The following DYNC2H1 variants were observed in gnomAD, a reference collection of about 807,000 sequenced individuals.
DYNC2H1 encodes dynein cytoplasmic 2 heavy chain 1, also known as cytoplasmic dynein 2 heavy chain 1.
DYNC2H1 carries 410 observed loss-of-function variants against 570.0 expected under a neutral mutation model. The observed-to-expected ratio is 0.72, with a 90% CI of 0.66 to 0.78. DYNC2H1 has a LOEUF of 0.78. DYNC2H1 is among the 30% of genes least tolerant of loss of function. DYNC2H1 has a pLI of 0.00. For missense variants in DYNC2H1, 4,865 were observed against 5,046.4 expected (o/e 0.96, Z 1.09); for synonymous variants, 1,688 against 1,677.6 (o/e 1.01, Z -0.15).
At position 103,239,015 on chromosome 11, in the gene DYNC2H1, C is replaced by T. The variant is rs1476899676; in HGVS notation, c.9819+2476C>T. 6.6e-6 allele frequency among the ~76,000 whole-genome samples: 1 copy of T among 152,100 alleles called. No individual in the cohort carries two copies. Among genetic ancestry groups the T allele is most frequent in the South Asian group, 2.1e-4 (1 of 4,832 alleles). On this transcript the variant is annotated intron_variant, in intron 63 of 88. Coordinates refer to ENST00000375735, the MANE Select transcript of DYNC2H1 (RefSeq NM_001377.3). The surrounding 1 kb of genome is among the most constrained non-coding windows in gnomAD (Gnocchi z 4.3). ...AATTATATGATCTAATATTGGTCAA[C>T]TCAGTGGATAATGGAAAGTATAATA...
chr11:103,186,534 G>T lies in DYNC2H1; in HGVS notation c.6893+33G>T. Reference sequence around the variant, plus strand: ...AAATATTGGCAAAGGTATATGTTGTGGATTTATTCCTGCCGCCCCTAATTG... The same window carrying T: ...AAATATTGGCAAAGGTATATGTTGTTGATTTATTCCTGCCGCCCCTAATTG... On this transcript the variant is annotated intron_variant, in intron 42 of 88. Coordinates refer to ENST00000375735, the MANE Select transcript of DYNC2H1 (RefSeq NM_001377.3). The surrounding 1 kb of genome is among the most constrained non-coding windows in gnomAD (Gnocchi z 4.5). 6.3e-7 allele frequency: 1 copy of T among 1,587,220 alleles called. No homozygotes were observed. The highest frequency in any genetic ancestry group is 1.1e-5 in the South Asian group (1 of 89,292).
intron 3 of DYNC2H1, 86 bp from the exon 4 acceptor site, chr11:103,115,091 C>T: frequency 1.1e-6 from 1 of 915,274 alleles, no homozygotes; most frequent in Non-Finnish European, 1.7e-6. Context: ...TTAGATGACT[C>T]AAATATTTTG....
intron 65 of DYNC2H1, among the ~76,000 whole-genome samples, chr11:103,251,258 A>G (rs1264936248): frequency 6.6e-6 from 1 of 152,114 alleles, no homozygotes; most frequent in Non-Finnish European, 1.5e-5. Context: ...TGTCTTATTT[A>G]TCATTATGAA....
rs1860904755 is a variant in DYNC2H1, at chr11:103,157,847, G to A, written c.4128-830G>A. ...TTGTTCATTTCTCTATCCTTTTCTT[G>A]TGCTGCTCTCCATTTTGCTTTAGTG... On this transcript the variant is annotated intron_variant, in intron 26 of 88. Coordinates refer to ENST00000375735, the MANE Select transcript of DYNC2H1 (RefSeq NM_001377.3). The surrounding 1 kb of genome is among the most constrained non-coding windows in gnomAD (Gnocchi z 4.2). Among the ~76,000 whole-genome samples the A allele has an allele frequency of 6.6e-6, 1 of 151,908 alleles. No individual in the cohort carries two copies. The highest frequency in any genetic ancestry group is 1.5e-5 in the Non-Finnish European group (1 of 67,976).
Position 103,204,734 on chromosome 11 carries a change from A to T in DYNC2H1, c.8312-88A>T. 1 of 938,150 alleles carries T rather than the reference A, an allele frequency of 1.1e-6. No individual in the cohort carries two copies. Among genetic ancestry groups the T allele is most frequent in the Non-Finnish European group, 1.6e-6 (1 of 643,314 alleles). The allele number at this position is 938,150 out of a possible 1,614,324, so 58.1% of individuals were successfully genotyped here. On this transcript the variant is annotated intron_variant, in intron 51 of 88. Coordinates refer to ENST00000375735, the MANE Select transcript of DYNC2H1 (RefSeq NM_001377.3). The surrounding 1 kb of genome is among the most constrained non-coding windows in gnomAD (Gnocchi z 4.1). ...GTGCTCGTTTTAAGAAACAACTCCT[A>T]CTATTTCATTTGAGAAAATTTTGAT...
rs1161125787 is a variant in DYNC2H1, at chr11:103,121,407, A to C, written c.1396A>C (p.Ile466Leu). The change falls in exon 10 of 89, where the codon ATT becomes CTT. Residue 466 changes from isoleucine to leucine, a missense_variant. Ile to Leu is a conservative substitution (Grantham distance 5). This residue lies in a region of DYNC2H1 where 1,936 missense variants were observed against 1,962.1 expected (regional missense o/e 0.99). Transcript: ENST00000375735. ...AGACTTTGAGAATCGGTGCCGAGGA[A>C]TTCCTGGTGATGCATCTGGACCACT... ...RLDFENRCRG[I>L]PGDASGPLSG... 1.2e-6 allele frequency: 2 copies of C among 1,612,784 alleles called. No homozygotes were observed. Among genetic ancestry groups the C allele is most frequent in the Non-Finnish European group, 1.7e-6 (2 of 1,179,424 alleles).
intron 70 of DYNC2H1, among the ~76,000 whole-genome samples, chr11:103,279,025 TC>T (rs1161425240): frequency 6.6e-6 from 1 of 152,146 alleles, no homozygotes; most frequent in Non-Finnish European, 1.5e-5. Flanking sequence ...AAAACATTCT[TC>T]CCATAAATGG....
rs111361784 is a variant in DYNC2H1, at chr11:103,256,156, G to T, written c.10377G>T (p.Glu3459Asp). ...TTTTGGAAAATAAGGATTTGATTGA[G>T]TCTTTGAATCAGACAAAAGCAAGCA... The part of the protein sequence containing the change: ...GNILENKDLI[E>D]SLNQTKASSA... Residue 3459 changes from glutamate (E) to aspartate (D), a missense_variant, in exon 68 of 89, where the codon GAG (glutamate) becomes GAT (aspartate). By Grantham distance (45) the Glu-to-Asp change is conservative. Coordinates refer to ENST00000375735, the MANE Select transcript of DYNC2H1 (RefSeq NM_001377.3). This position sits in a 1 kb window ranked among gnomAD's most constrained non-coding sequence, Gnocchi z 4.0. 4 of 1,608,782 alleles carry T rather than the reference G, an allele frequency of 2.5e-6. No homozygotes were observed. Among genetic ancestry groups the T allele is most frequent in the Admixed American group, 3.4e-5 (2 of 59,438 alleles).
chr11:103,320,454 A>G (rs1938118815), intron 80 of DYNC2H1, among the ~76,000 whole-genome samples: 1 of 152,156 alleles, frequency 6.6e-6, no homozygotes. Context: ...TTAATATTAC[A>G]TTTCTCTTCT....
chr11:103,260,099 T>A lies in DYNC2H1; in HGVS notation c.10695+122T>A, dbSNP rs1044761974. On this transcript the variant is annotated intron_variant, in intron 70 of 88. Coordinates refer to ENST00000375735, the MANE Select transcript of DYNC2H1 (RefSeq NM_001377.3). Reference sequence around the variant, plus strand: ...GGTATTAAAAATGGTATTTCTGGTATTTTTCCAGAACATTTAACTGGAATG... The same window carrying A: ...GGTATTAAAAATGGTATTTCTGGTAATTTTCCAGAACATTTAACTGGAATG... 9.4e-6 allele frequency: 5 copies of A among 529,598 alleles called. 1 individual carries two copies. The South Asian group carries it at 2.0e-4, about 21-fold the overall frequency. 32.8% of individuals were successfully genotyped at this position (529,598 alleles called of 1,614,324 possible).
intron 82 of DYNC2H1, among the ~76,000 whole-genome samples, chr11:103,352,282 G>A (rs2566921): frequency 0.55 from 83,125 of 151,542 alleles, 24,638 homozygotes; most frequent in Admixed American, 0.66. Context: ...GTTATATATA[G>A]CTTTCATCTA....
rs149287435 is a variant in DYNC2H1 at position 103,466,133 on chromosome 11, T to C, written c.12649-2456T>C. On this transcript the variant is annotated intron_variant, in intron 87 of 88. Transcript: ENST00000375735. ...AAAAAACAGTCCAGAAACAAACTTA[T>C]GCCAGTATGGAAACTTGACACATGA... Among the ~76,000 whole-genome samples, 1,278 of 152,268 alleles carry C rather than the reference T, an allele frequency of 8.4e-3. 11 individuals carry two copies. The highest frequency in any genetic ancestry group is 0.029 in the African/African-American group (1,209 of 41,536).
At chr11:103,263,107 G>A (rs1465216297) in intron 70 of DYNC2H1, among the ~76,000 whole-genome samples, 1 of 137,808 alleles carries the variant, frequency 7.3e-6, no homozygotes, top group Non-Finnish European at 1.6e-5. Flanking sequence ...GATCAAAAAA[G>A]ACAAGGGCAT....
chr11:103,455,566 A>G (rs1001765708), intron 86 of DYNC2H1, among the ~76,000 whole-genome samples: 6 of 152,194 alleles, frequency 3.9e-5, no homozygotes, highest in African/African-American at 9.6e-5. Flanking sequence ...GCTGTCCACT[A>G]TGGTAGCCAG....
chr11:103,273,171 C>A (rs1865777392), intron 70 of DYNC2H1, among the ~76,000 whole-genome samples: 2 of 143,276 alleles, frequency 1.4e-5, no homozygotes, highest in African/African-American at 5.1e-5. Context: ...TTTCTCTTCT[C>A]TTCTCTTTCT....
At chr11:103,459,602 C>T (rs898736084) in intron 87 of DYNC2H1, among the ~76,000 whole-genome samples, 31 of 152,018 alleles carry the variant, frequency 2.0e-4, no homozygotes, top group Non-Finnish European at 3.5e-4. Flanking sequence ...TGATCATTAC[C>T]AACAAGCTAG....
At position 103,187,289 on chromosome 11, in the gene DYNC2H1, A is replaced by G. The variant is rs1438426758; in HGVS notation, c.6894-51A>G. On this transcript the variant is annotated intron_variant, in intron 42 of 88. Transcript: ENST00000375735. Reference sequence around the variant, plus strand: ...AAATTTCTTATTGAGTATAAAATGTATTTTGTTGGTTGCATTTTTATCAAA... The same window carrying G: ...AAATTTCTTATTGAGTATAAAATGTGTTTTGTTGGTTGCATTTTTATCAAA... 15 of 1,605,650 alleles carry G rather than the reference A, an allele frequency of 9.3e-6. 1 individual carries two copies. The East Asian group carries it at 2.5e-4, about 26-fold the overall frequency.
chr11:103,382,451 A>G (rs1424500546), intron 83 of DYNC2H1, among the ~76,000 whole-genome samples: 1 of 152,234 alleles, frequency 6.6e-6, no homozygotes, highest in East Asian at 1.9e-4. Context: ...AGTAACAAAA[A>G]TAGTACTTTC....
intron 84 of DYNC2H1, among the ~76,000 whole-genome samples, chr11:103,415,120 A>G (rs1362383319): frequency 1.3e-5 from 2 of 152,198 alleles, no homozygotes; most frequent in Non-Finnish European, 2.9e-5. Flanking sequence ...CATATGTAGA[A>G]AGCTGAAACT....
Sources: allele counts gnomAD v4.1 joint callset (sites outside exome capture counted in the v4.1 genomes callset), GRCh38; gene constraint gnomAD v4.1.1; regional missense constraint gnomAD v4.1.1; non-coding constraint Gnocchi (gnomAD v3.1); transcripts MANE v1.5; gene names NCBI Gene and HGNC (gene_info 2026-07-23, HGNC 2026-07-21).